Variants in BABAM2 observed in about 807,000 individuals in gnomAD.
BABAM2 encodes the protein BRISC and BRCA1 A complex member 2.
BABAM2 carries 31 observed loss-of-function variants against 54.7 expected under a neutral mutation model. The observed-to-expected ratio is 0.57, with a 90% CI of 0.43 to 0.77. The LOEUF (loss-of-function observed/expected upper bound fraction) is 0.77, where lower values mean the gene tolerates loss of function less well. BABAM2 is among the 30% of genes least tolerant of loss of function. BABAM2 has a pLI of 0.00. For missense variants in BABAM2, 364 were observed against 455.8 expected (o/e 0.80, Z 1.83); for synonymous variants, 167 against 162.9 (o/e 1.03, Z -0.19).
At chr2:28,043,648 A>G (rs1033964335) in intron 5 of BABAM2, among the ~76,000 whole-genome samples, 1 of 152,192 alleles carries the variant, frequency 6.6e-6, no homozygotes, top group East Asian at 1.9e-4. Context: ...TTTTAGGTTT[A>G]GCTGTGTCTT....
Position 28,294,245 on chromosome 2 carries a change from C to T in BABAM2, c.935-4093C>T, listed in dbSNP as rs370597221. ...AATACAAAAAATTAGCTGGGCATGA[C>T]GGCAGGCGTCTGTAATCCTAGCTAC... On this transcript the variant is annotated intron_variant, in intron 10 of 11. Coordinates refer to ENST00000379624, the MANE Select transcript of BABAM2 (RefSeq NM_199191.3). Among the ~76,000 whole-genome samples the T allele has an allele frequency of 7.9e-5, 12 of 151,990 alleles. 1 individual carries two copies. Among genetic ancestry groups the T allele is most frequent in the Admixed American group, 3.9e-4 (6 of 15,248 alleles).
Position 28,186,315 on chromosome 2 carries a change from C to A in BABAM2, c.681-50887C>A, listed in dbSNP as rs531285419. 1.5e-3 allele frequency among the ~76,000 whole-genome samples: 231 copies of A among 152,250 alleles called. 1 individual carries two copies. The highest frequency in any genetic ancestry group is 5.3e-3 in the African/African-American group (222 of 41,540). On this transcript the variant is annotated intron_variant, in intron 7 of 11. Transcript: ENST00000379624. ...CTTCTATCTGTGGTTAGCCCTGTAC[C>A]CCACTCACTTCACAGTCCCCATGTC...
At chr2:28,202,287 G>A (rs538978298) in intron 7 of BABAM2, among the ~76,000 whole-genome samples, 60 of 152,124 alleles carry the variant, frequency 3.9e-4, no homozygotes, top group Non-Finnish European at 7.5e-4. Flanking sequence ...TGCTCTATTA[G>A]TAGTCCTCAG....
At position 27,987,995 on chromosome 2, in the gene BABAM2, G is replaced by A. The variant is rs1166323831; in HGVS notation, c.208G>A (p.Asp70Asn). The change falls in exon 4 of 12, where the codon GAT becomes AAT. Residue 70 changes from aspartate (D) to asparagine (N), a missense_variant and splice_region_variant. Coordinates refer to ENST00000379624, the MANE Select transcript of BABAM2 (RefSeq NM_199191.3). ...IPYAGETLKW[D>N]IIFNAQYPEL... ...CCTGTCATTTTCTTTTATTTCAGGG[G>A]ATATCATTTTCAATGCCCAATACCC... 1 of 1,608,548 alleles carries A rather than the reference G, an allele frequency of 6.2e-7. No individual in the cohort carries two copies. Among genetic ancestry groups the A allele is most frequent in the Non-Finnish European group, 8.5e-7 (1 of 1,175,196 alleles).
chr2:28,006,394 T>C (rs1470397761), intron 4 of BABAM2, among the ~76,000 whole-genome samples: 1 of 152,124 alleles, frequency 6.6e-6, no homozygotes, highest in South Asian at 2.1e-4. Context: ...ATACACAACA[T>C]ATAGAGGCAT....
intron 5 of BABAM2, among the ~76,000 whole-genome samples, chr2:28,030,426 C>T (rs1267413837): frequency 6.6e-6 from 1 of 152,114 alleles, no homozygotes; most frequent in African/African-American, 2.4e-5. Context: ...AATCCTGTAA[C>T]AAGGCAAAGC....
intron 10 of BABAM2, among the ~76,000 whole-genome samples, chr2:28,271,728 A>G (rs975233216): frequency 1.3e-5 from 2 of 152,252 alleles, no homozygotes; most frequent in Non-Finnish European, 2.9e-5. Context: ...CAGGTTAACA[A>G]TATGGTACAA....
At chr2:28,308,229 C>T in intron 11 of BABAM2, 1 of 333,062 alleles carries the variant, frequency 3.0e-6, no homozygotes, top group Non-Finnish European at 5.8e-6. Context: ...CTTTGAAGGC[C>T]AGGAAGGCAG....
intron 3 of BABAM2, among the ~76,000 whole-genome samples, chr2:27,939,060 C>T (rs918574022): frequency 7.9e-5 from 12 of 152,276 alleles, no homozygotes; most frequent in Admixed American, 7.8e-4. Context: ...TCAAGTGTTT[C>T]TCCTGTCTCA....
intron 6 of BABAM2, among the ~76,000 whole-genome samples, chr2:28,070,835 C>T (rs1164162176): frequency 6.6e-6 from 1 of 151,998 alleles, no homozygotes. Flanking sequence ...ACTTTACTCT[C>T]AAGTAAAGTT....
chr2:28,330,917 C>T (rs1011153467), intron 11 of BABAM2, among the ~76,000 whole-genome samples: 2 of 152,072 alleles, frequency 1.3e-5, no homozygotes, highest in African/African-American at 4.8e-5. Flanking sequence ...GGAGGCATCA[C>T]GTGACTTCAG....
intron 10 of BABAM2, among the ~76,000 whole-genome samples, chr2:28,289,636 C>G (rs187442940): frequency 1.8e-4 from 28 of 152,150 alleles, no homozygotes; most frequent in Admixed American, 1.5e-3. Flanking sequence ...AAAAAAAATA[C>G]AAAAATTAGC....
At chr2:28,301,423 C>T (rs1346032838) in intron 11 of BABAM2, among the ~76,000 whole-genome samples, 3 of 152,178 alleles carry the variant, frequency 2.0e-5, no homozygotes, top group African/African-American at 7.2e-5. Context: ...GTCATGTGTG[C>T]CCCAGTTGCT....
At chr2:28,289,361 T>A (rs1231619823) in intron 10 of BABAM2, among the ~76,000 whole-genome samples, 3 of 152,372 alleles carry the variant, frequency 2.0e-5, no homozygotes, top group Non-Finnish European at 2.9e-5. Context: ...CTTACTTTTT[T>A]AAACTTTTTA....
intron 7 of BABAM2, among the ~76,000 whole-genome samples, chr2:28,156,733 T>C (rs1258365806): frequency 2.6e-5 from 4 of 152,172 alleles, no homozygotes; most frequent in Admixed American, 2.0e-4. Flanking sequence ...ACATATGGAA[T>C]TTTAAGGCTT....
At chr2:28,230,718 G>GC (rs1681304826) in intron 7 of BABAM2, among the ~76,000 whole-genome samples, 2 of 141,404 alleles carry the variant, frequency 1.4e-5, no homozygotes, top group Non-Finnish European at 3.0e-5. Context: ...CCTGTCTCAG[G>GC]AAAAAAAAAA....
At chr2:28,181,833 T>C (rs1374917157) in intron 7 of BABAM2, among the ~76,000 whole-genome samples, 1 of 145,276 alleles carries the variant, frequency 6.9e-6, no homozygotes, top group African/African-American at 2.5e-5. Context: ...AGAGAGGGAG[T>C]AGGGGTTGGG....
At chr2:28,068,156 A>G (rs995660704) in intron 6 of BABAM2, among the ~76,000 whole-genome samples, 2 of 152,172 alleles carry the variant, frequency 1.3e-5, no homozygotes, top group Admixed American at 6.5e-5. Context: ...TATTCAGTAC[A>G]TATATATTAC....
At chr2:28,169,444 C>T (rs1674071428) in intron 7 of BABAM2, among the ~76,000 whole-genome samples, 1 of 151,938 alleles carries the variant, frequency 6.6e-6, no homozygotes. Flanking sequence ...CATTTATTCC[C>T]CAATTTTTAT....
Sources: gnomAD v4.1 joint callset for allele counts (sites outside exome capture counted in the v4.1 genomes callset) on GRCh38, gnomAD v4.1.1 for gene constraint, MANE v1.5 for transcripts, NCBI Gene and HGNC (gene_info 2026-07-23, HGNC 2026-07-21) for gene names.